The following RHBDF2 variants were observed in gnomAD, a reference collection of about 807,000 sequenced individuals.
RHBDF2 encodes inactive rhomboid protein 2.
RHBDF2 carries 38 observed loss-of-function variants against 95.2 expected under a neutral mutation model. The observed-to-expected ratio is 0.40, with a 90% CI of 0.31 to 0.52. RHBDF2 has a LOEUF of 0.52. RHBDF2 is among the 20% of genes least tolerant of loss of function. The probability of loss-of-function intolerance (pLI) is 0.56; values close to 1 mark genes in which losing one functional copy is unlikely to be tolerated. For synonymous variants in RHBDF2, 442 were observed against 462.0 expected, an observed-to-expected ratio of 0.96 and a Z score of 0.55; for missense variants, 863 against 1,137.7, an observed-to-expected ratio of 0.76 and a Z score of 3.47.
At chr17:76,486,063 T>C (rs1475790723) in intron 2 of RHBDF2, among the ~76,000 whole-genome samples, 2 of 128,438 alleles carry the variant, frequency 1.6e-5, no homozygotes, top group Non-Finnish European at 3.2e-5. Flanking sequence ...ATTCTGTGAA[T>C]ATGTATATAT....
intron 1 of RHBDF2, among the ~76,000 whole-genome samples, chr17:76,498,479 G>A (rs557973025): frequency 3.0e-4 from 45 of 152,342 alleles, no homozygotes; most frequent in Admixed American, 2.9e-3. Flanking sequence ...AGCGGCAGGC[G>A]GGGGCCAGGC....
At chr17:76,491,946 G>T (rs2074312568) in intron 1 of RHBDF2, among the ~76,000 whole-genome samples, 1 of 152,194 alleles carries the variant, frequency 6.6e-6, no homozygotes, top group South Asian at 2.1e-4. Flanking sequence ...GGGAAATGGT[G>T]ACATCCTGGG....
chr17:76,493,323 T>G (rs2074352277), intron 1 of RHBDF2: 1 of 152,268 alleles, frequency 6.6e-6, no homozygotes, highest in Non-Finnish European at 1.5e-5. Context: ...CCCGTGGTAC[T>G]GCTGACCCCG....
chr17:76,481,276 G>C, intron 3 of RHBDF2, 99 bp downstream of exon 3: 1 of 1,373,522 alleles, frequency 7.3e-7, no homozygotes, highest in African/African-American at 1.4e-5. Context: ...TGTGGCTCAG[G>C]AAGGAGCCCC....
chr17:76,480,027 G>A (rs1277191053), intron 3 of RHBDF2, 173 bp from the exon 4 acceptor site: 1 of 394,474 alleles, frequency 2.5e-6, no homozygotes, highest in Admixed American at 4.7e-5. Context: ...GTGTGTGTGT[G>A]TGTGTGTGTG....
intron 1 of RHBDF2, among the ~76,000 whole-genome samples, chr17:76,496,404 G>A (rs541355207): frequency 1.3e-5 from 2 of 152,302 alleles, no homozygotes; most frequent in African/African-American, 4.8e-5. Flanking sequence ...CCCCAGCCAG[G>A]GTCCCGCGCT....
At position 76,483,989 on chromosome 17, in the gene RHBDF2, C is replaced by T. The variant is rs535245657; in HGVS notation, c.-21-2444G>A. On this transcript the variant is annotated intron_variant, in intron 2 of 18. Transcript: ENST00000675367. ...TAAAACCCCCAGCTGTGGCCGGGCG[C>T]GGTGGCTCATGCCTGTACTCCCAGC... Among the ~76,000 whole-genome samples, 20 of 152,204 alleles carry T rather than the reference C, an allele frequency of 1.3e-4. No homozygotes were observed. The South Asian group carries it at 2.5e-3, about 19-fold the overall frequency.
chr17:76,481,363 C>T lies in RHBDF2; in HGVS notation c.150+12G>A, dbSNP rs753782556. ...ACGGCAGAACAGTGAGCCCCCAGGC[C>T]AGCCCCCTTACCTCAGGCAGCATGC... On this transcript the variant is annotated intron_variant, in intron 3 of 18. Transcript: ENST00000675367. The T allele has an allele frequency of 6.2e-7, 1 of 1,606,902 alleles. No individual in the cohort carries two copies.
chr17:76,500,708 G>T (rs1190676110), intron 1 of RHBDF2, among the ~76,000 whole-genome samples: 1 of 152,154 alleles, frequency 6.6e-6, no homozygotes, highest in African/African-American at 2.4e-5. Flanking sequence ...GAACTTATCC[G>T]TCTCTATCCC....
intron 2 of RHBDF2, among the ~76,000 whole-genome samples, chr17:76,484,996 G>A (rs2074081461): frequency 6.6e-6 from 1 of 152,336 alleles, no homozygotes. Context: ...ATGTCACCGG[G>A]CACAGTGGCT....
In RHBDF2 at chr17:76,474,076, C is replaced by T. The variant is rs140196536; in HGVS notation, c.1531G>A (p.Gly511Ser). ...TGPPMDKSDLGQKRTSGAVCH... is the reference protein window; with the variant it reads ...TGPPMDKSDLSQKRTSGAVCH... ...ACAGCCCCCGAAGTCCGCTTCTGGC[C>T]CAGATCAGACTTGTCCATGGGGGGC... is the stretch of plus-strand genomic sequence containing the variant. Residue 511 changes from glycine to serine, a missense_variant, in exon 13 of 19, where the codon GGC becomes AGC. By Grantham distance (56) the Gly-to-Ser change is moderately conservative (BLOSUM62 0). Transcript: ENST00000675367. The T allele has an allele frequency of 2.0e-4, 330 of 1,612,306 alleles. No individual in the cohort carries two copies. Among genetic ancestry groups the T allele is most frequent in the Non-Finnish European group, 2.6e-4 (302 of 1,179,676 alleles).
chr17:76,498,077 C>T (rs1367922970), intron 1 of RHBDF2, among the ~76,000 whole-genome samples: 3 of 152,134 alleles, frequency 2.0e-5, no homozygotes, highest in African/African-American at 7.2e-5. Context: ...TTGTACTTCC[C>T]GGAAGATGTG....
chr17:76,471,755 C>T lies in RHBDF2; in HGVS notation c.2362G>A (p.Ala788Thr), dbSNP rs140177365. ...VSLLAFAGLF[A>T]ALVLWLYIYP... ...ATGTACAGCCACAGCACGAGGGCGG[C>T]GAAGAGGCCGGCAAAGGCCAGCAGT... Residue 788 changes from alanine (A) to threonine (T), a missense_variant, in exon 19 of 19, where the codon GCC becomes ACC. This residue lies in a region of RHBDF2 where 252 missense variants were observed against 412.2 expected (regional missense o/e 0.61). Coordinates refer to ENST00000675367, the MANE Select transcript of RHBDF2 (RefSeq NM_001005498.4). The T allele has an allele frequency of 2.7e-5, 43 of 1,610,074 alleles. No individual in the cohort carries two copies. The highest frequency in any genetic ancestry group is 1.6e-4 in the African/African-American group (12 of 74,882).
intron 1 of RHBDF2, among the ~76,000 whole-genome samples, chr17:76,494,043 A>C (rs1320644436): frequency 6.6e-6 from 1 of 152,050 alleles, no homozygotes; most frequent in Non-Finnish European, 1.5e-5. Flanking sequence ...TAAGCCAACC[A>C]CAGACACGGG....
intron 18 of RHBDF2, 22 bp from the exon 19 acceptor site, chr17:76,472,074 G>A (rs1172216711): frequency 9.1e-6 from 14 of 1,534,742 alleles, no homozygotes; most frequent in Admixed American, 5.9e-5. Flanking sequence ...CAGGGGAGAC[G>A]TGGCTTCAGG....
At chr17:76,484,487 T>C (rs1186440404) in intron 2 of RHBDF2, among the ~76,000 whole-genome samples, 3 of 151,720 alleles carry the variant, frequency 2.0e-5, no homozygotes, top group Non-Finnish European at 2.9e-5. Context: ...CCTCCATCTC[T>C]ACCTCACCTC....
At chr17:76,477,393 C>T (rs551181738) in intron 7 of RHBDF2, 95 bp from the exon 8 acceptor site, 46 of 1,422,852 alleles carry the variant, frequency 3.2e-5, no homozygotes, top group African/African-American at 5.7e-5. Flanking sequence ...GCTGAACAGA[C>T]GGGCTCTTCA....
chr17:76,479,147 G>A lies in RHBDF2; in HGVS notation c.403C>T (p.Leu135Phe). The A allele has an allele frequency of 6.2e-7, 1 of 1,613,418 alleles. No individual in the cohort carries two copies. Among genetic ancestry groups the A allele is most frequent in the Non-Finnish European group, 8.5e-7 (1 of 1,179,824 alleles). The stretch of plus-strand genomic sequence containing the variant: ...AAGGACGGTGCCTCCTGGCTGGGGA[G>A]CTCCAGGTCACGCTGGCACGAGGCC... ...LKASCQRDLE[L>F]PSQEAPSFQG... Residue 135 changes from leucine (L) to phenylalanine (F), a missense_variant, in exon 5 of 19, where the codon CTC becomes TTC. By Grantham distance (22) the Leu-to-Phe change is conservative (BLOSUM62 0). Transcript: ENST00000675367.
rs987615397 is a variant in RHBDF2 at position 76,479,282 on chromosome 17, G to A, written c.273-5C>T. The A allele has an allele frequency of 1.6e-5, 26 of 1,591,922 alleles. No homozygotes were observed. The highest frequency in any genetic ancestry group is 1.7e-4 in the Middle Eastern group (1 of 6,042). On this transcript the variant is annotated splice_polypyrimidine_tract_variant and splice_region_variant and intron_variant, in intron 4 of 18. Coordinates refer to ENST00000675367, the MANE Select transcript of RHBDF2 (RefSeq NM_001005498.4). Reference sequence around the variant, plus strand: ...CCAAACCACTGGGCTGCGCCCCTGCGGAAGCAGACAAGGGACAGGTGGGCA... The same window carrying A: ...CCAAACCACTGGGCTGCGCCCCTGCAGAAGCAGACAAGGGACAGGTGGGCA...
Sources: gnomAD v4.1 joint callset for allele counts (sites outside exome capture counted in the v4.1 genomes callset) on GRCh38, gnomAD v4.1.1 for gene constraint, gnomAD v4.1.1 regional missense constraint, MANE v1.5 for transcripts, NCBI Gene and HGNC (gene_info 2026-07-23, HGNC 2026-07-21) for gene names.